ENOX1: variants seen among roughly 807,000 people sequenced by gnomAD.
ENOX1 encodes the protein ecto-NOX disulfide-thiol exchanger 1, also known as candidate growth-related and time keeping constitutive hydroquinone (NADH) oxidase.
In ENOX1, 42 loss-of-function variants were observed where a neutral mutation model predicts 82.5. That is an observed-to-expected ratio of 0.51 (90% CI 0.40 to 0.66). The LOEUF (loss-of-function observed/expected upper bound fraction) is 0.66. Ranked by LOEUF, ENOX1 falls within the 30% of genes least tolerant of loss-of-function variation. ENOX1 has a pLI of 0.00. For synonymous variants in ENOX1, 271 were observed against 282.2 expected (o/e 0.96, Z 0.40); for missense variants, 608 against 811.6 (o/e 0.75, Z 3.05).
intron 3 of ENOX1, among the ~76,000 whole-genome samples, chr13:43,441,324 T>C (rs9525774): frequency 6.6e-6 from 1 of 151,990 alleles, no homozygotes; most frequent in Non-Finnish European, 1.5e-5. Flanking sequence ...TGATTGAAAT[T>C]ACATTCTACT....
At chr13:43,727,733 A>T (rs535226601) in intron 1 of ENOX1, among the ~76,000 whole-genome samples, 11 of 152,286 alleles carry the variant, frequency 7.2e-5, no homozygotes, top group African/African-American at 2.6e-4. Context: ...CCTCTAAATA[A>T]ATGTATAGAA....
chr13:43,410,118 C>A (rs377652895), intron 5 of ENOX1, among the ~76,000 whole-genome samples: 2 of 152,192 alleles, frequency 1.3e-5, no homozygotes, highest in Non-Finnish European at 2.9e-5. Flanking sequence ...ATGGTTAAAA[C>A]GTCAGAAGAC....
intron 2 of ENOX1, among the ~76,000 whole-genome samples, chr13:43,569,268 G>T (rs1473090052): frequency 6.6e-6 from 1 of 152,016 alleles, no homozygotes; most frequent in African/African-American, 2.4e-5. Context: ...GGCTCTCTTA[G>T]GAAGCATATC....
intron 11 of ENOX1, among the ~76,000 whole-genome samples, 157 bp from the exon 12 acceptor site, chr13:43,298,687 C>T (rs921995038): frequency 6.6e-6 from 1 of 152,180 alleles, no homozygotes; most frequent in Non-Finnish European, 1.5e-5. Flanking sequence ...CTTTTGTAGT[C>T]GGTATGCATC....
At chr13:43,699,778 G>A (rs562609054) in intron 1 of ENOX1, among the ~76,000 whole-genome samples, 6 of 152,246 alleles carry the variant, frequency 3.9e-5, no homozygotes, top group African/African-American at 1.4e-4. Context: ...CCTTCCCCAC[G>A]AACAATCACT....
rs911327985 is a variant in ENOX1 at position 43,472,061 on chromosome 13, C to T, written c.-75+11948G>A. 7.3e-5 allele frequency among the ~76,000 whole-genome samples: 11 copies of T among 151,512 alleles called. No homozygotes were observed. The East Asian group carries it at 1.9e-3, about 27-fold the overall frequency. On this transcript the variant is annotated intron_variant, in intron 3 of 16. Transcript: ENST00000690772. ...AGAAAAAAAGAGAAAGCAATCCCAG[C>T]TTTGTAAGTTACTAGCCATGCTTCA...
chr13:43,305,511 T>C (rs1371861639), intron 11 of ENOX1, among the ~76,000 whole-genome samples: 1 of 151,990 alleles, frequency 6.6e-6, no homozygotes, highest in Non-Finnish European at 1.5e-5. Flanking sequence ...CCTGTTACGA[T>C]GATGGCTTAA....
intron 15 of ENOX1, among the ~76,000 whole-genome samples, chr13:43,226,751 A>G (rs1262675067): frequency 2.0e-5 from 3 of 152,112 alleles, no homozygotes; most frequent in Admixed American, 6.5e-5. Context: ...CCTAGTCGGA[A>G]GCTTTTTTTC....
chr13:43,543,220 T>C (rs1044289746), intron 2 of ENOX1, among the ~76,000 whole-genome samples: 1 of 151,624 alleles, frequency 6.6e-6, no homozygotes, highest in Admixed American at 6.6e-5. Flanking sequence ...TGGGGTTGAG[T>C]GGTAAAAAGA....
chr13:43,640,280 C>A (rs1001996290), intron 2 of ENOX1, among the ~76,000 whole-genome samples: 1 of 152,134 alleles, frequency 6.6e-6, no homozygotes, highest in African/African-American at 2.4e-5. Context: ...TGTTCATTAT[C>A]ATCTCTAATT....
chr13:43,569,632 C>T (rs1593868538), intron 2 of ENOX1, among the ~76,000 whole-genome samples: 2 of 150,532 alleles, frequency 1.3e-5, no homozygotes, highest in East Asian at 2.0e-4. Context: ...AGAATCTTTT[C>T]CTTAGAATAT....
chr13:43,562,242 TTAAAGTG>T (rs2079712110), intron 2 of ENOX1, among the ~76,000 whole-genome samples: 1 of 152,116 alleles, frequency 6.6e-6, no homozygotes, highest in Admixed American at 6.6e-5. Context: ...GGAATGAAGT[TTAAAGTG>T]TAGAGTTTTT....
intron 12 of ENOX1, 40 bp from the exon 13 acceptor site, chr13:43,269,617 G>A (rs755774572): frequency 1.3e-6 from 2 of 1,500,732 alleles, no homozygotes; most frequent in Non-Finnish European, 9.3e-7. Flanking sequence ...TAGGATTGAA[G>A]GTCAGGTGAT....
At chr13:43,751,829 A>G (rs1371376851) in intron 1 of ENOX1, among the ~76,000 whole-genome samples, 2 of 152,216 alleles carry the variant, frequency 1.3e-5, no homozygotes, top group Non-Finnish European at 2.9e-5. Context: ...TACAAAGAAC[A>G]CTGCTATGAA....
At chr13:43,590,382 C>T (rs958853217) in intron 2 of ENOX1, among the ~76,000 whole-genome samples, 1 of 152,044 alleles carries the variant, frequency 6.6e-6, no homozygotes, top group Non-Finnish European at 1.5e-5. Flanking sequence ...GAACACATTA[C>T]AATTAAAATT....
intron 5 of ENOX1, among the ~76,000 whole-genome samples, chr13:43,371,302 A>G (rs2051228004): frequency 6.6e-6 from 1 of 152,212 alleles, no homozygotes; most frequent in Non-Finnish European, 1.5e-5. Context: ...TAATTTTTAT[A>G]CATCTACTTC....
At chr13:43,627,473 T>C (rs2083016035) in intron 2 of ENOX1, among the ~76,000 whole-genome samples, 1 of 152,044 alleles carries the variant, frequency 6.6e-6, no homozygotes, top group Non-Finnish European at 1.5e-5. Context: ...AGACAGTCTA[T>C]TAGTATCATT....
At chr13:43,483,446 C>G (rs2058582490) in intron 3 of ENOX1, among the ~76,000 whole-genome samples, 1 of 152,086 alleles carries the variant, frequency 6.6e-6, no homozygotes, top group Non-Finnish European at 1.5e-5. Flanking sequence ...ATTTTTCAAA[C>G]TGTTAATACA....
chr13:43,495,121 A>C (rs978201636), intron 2 of ENOX1, among the ~76,000 whole-genome samples: 2 of 152,180 alleles, frequency 1.3e-5, no homozygotes, highest in African/African-American at 4.8e-5. Context: ...AATACAGAAA[A>C]TCTAAGTTTG....
Sources: gnomAD v4.1 joint callset for allele counts (sites outside exome capture counted in the v4.1 genomes callset) on GRCh38, gnomAD v4.1.1 for gene constraint, MANE v1.5 for transcripts, NCBI Gene and HGNC (gene_info 2026-07-23, HGNC 2026-07-21) for gene names.